The following RTL4 variants were observed in gnomAD, a reference collection of about 807,000 sequenced individuals.
The protein encoded by RTL4 is retrotransposon Gag-like protein 4.
RTL4 carries 4 observed loss-of-function variants against 5.3 expected under a neutral mutation model. That is an observed-to-expected ratio of 0.75 (90% CI 0.37 to 1.72). RTL4 has a LOEUF of 1.72. Ranked by LOEUF, RTL4 falls within the 40% of genes most tolerant of loss-of-function variation. The pLI is 0.04. For synonymous variants in RTL4, 98 were observed against 87.3 expected, an observed-to-expected ratio of 1.12 and a Z score of -0.68; for missense variants, 260 against 227.1, an observed-to-expected ratio of 1.14 and a Z score of -0.93.
chrX:112,373,074 C>T, the RTL4 span, among the ~76,000 whole-genome samples: 3 of 111,460 alleles, frequency 2.7e-5, no homozygotes, highest in Admixed American at 1.9e-4. Flanking sequence ...CTTTCTGTAT[C>T]CTAAGCATAA....
chrX:112,229,378 A>G, the RTL4 span, among the ~76,000 whole-genome samples: 1 of 112,318 alleles, frequency 8.9e-6, no homozygotes, highest in Non-Finnish European at 1.9e-5. Flanking sequence ...CACTTTACAG[A>G]TGAGGAAATC....
the RTL4 span, among the ~76,000 whole-genome samples, chrX:112,183,225 A>G: frequency 8.9e-6 from 1 of 112,355 alleles, no homozygotes; most frequent in African/African-American, 3.2e-5. Flanking sequence ...AATTGCAAAG[A>G]CCATTGACAC....
At chrX:112,183,057 C>T in the RTL4 span, among the ~76,000 whole-genome samples, 129 of 111,984 alleles carry the variant, frequency 1.2e-3, no homozygotes, top group African/African-American at 3.8e-3. Flanking sequence ...CATATCCAGC[C>T]GAACTAAGCT....
At chrX:112,120,313 G>A in the RTL4 span, among the ~76,000 whole-genome samples, 1 of 112,379 alleles carries the variant, frequency 8.9e-6, no homozygotes, top group Non-Finnish European at 1.9e-5. Context: ...GTCTGGCTCT[G>A]TCGCCCAGGC....
At chrX:112,236,391 TATATATA>T in the RTL4 span, among the ~76,000 whole-genome samples, 1 of 87,855 alleles carries the variant, frequency 1.1e-5, no homozygotes. Context: ...AACTTTCATA[TATATATA>T]ATATAGATAT....
At chrX:112,390,669 GCCTGATGGGGTTCCCTTTGGTAA>G in the RTL4 span, among the ~76,000 whole-genome samples, 3,762 of 110,440 alleles carry the variant, frequency 0.034, 195 homozygotes, top group African/African-American at 0.12. Flanking sequence ...TCTGCAGGTA[GCCTGATGGGGTTCCCTTTGGTAA>G]CCTGATGGGG....
chrX:112,282,964 A>G, the RTL4 span, among the ~76,000 whole-genome samples: 1 of 111,404 alleles, frequency 9.0e-6, no homozygotes, highest in African/African-American at 3.3e-5. Context: ...AAGGAATAAT[A>G]ACTTTGTTGG....
chrX:112,426,083 A>C, the RTL4 span, among the ~76,000 whole-genome samples: 1 of 111,288 alleles, frequency 9.0e-6, no homozygotes, highest in African/African-American at 3.3e-5. Flanking sequence ...TAGGTCTATG[A>C]TACATTTAGT....
the RTL4 span, among the ~76,000 whole-genome samples, chrX:112,141,700 A>G: frequency 9.0e-6 from 1 of 111,502 alleles, no homozygotes; most frequent in Admixed American, 9.6e-5. Context: ...ATATCAAGTA[A>G]TACCTAAGCT....
the RTL4 span, among the ~76,000 whole-genome samples, chrX:112,223,160 G>T: frequency 1.8e-5 from 2 of 111,626 alleles, no homozygotes; most frequent in Non-Finnish European, 1.9e-5. Context: ...ATTGTATTCA[G>T]CTCTTGTCAC....
the RTL4 span, among the ~76,000 whole-genome samples, chrX:112,337,219 T>C: frequency 1.8e-5 from 2 of 112,050 alleles, no homozygotes; most frequent in African/African-American, 6.5e-5. Flanking sequence ...CCAATTCATA[T>C]CATAATAGTA....
At chrX:112,128,659 C>CAAA in the RTL4 span, among the ~76,000 whole-genome samples, 3 of 41,104 alleles carry the variant, frequency 7.3e-5, no homozygotes, top group Admixed American at 3.2e-4. Flanking sequence ...CTCTGTCTCA[C>CAAA]AAAAAAAAAA....
chrX:112,109,581 G>A, the RTL4 span, among the ~76,000 whole-genome samples: 1 of 111,907 alleles, frequency 8.9e-6, no homozygotes, highest in Admixed American at 9.5e-5. Flanking sequence ...GCTGATTGGT[G>A]CTTTTTTACA....
the RTL4 span, among the ~76,000 whole-genome samples, chrX:112,419,629 G>GTATATGTATATATATATATATT: frequency 2.0e-4 from 2 of 9,905 alleles, no homozygotes; most frequent in African/African-American, 3.2e-4. Context: ...ATATATTTAA[G>GTATATGTATATATATATATATT]TATGTAAATC....
chrX:112,084,958 A>G, the RTL4 span, among the ~76,000 whole-genome samples: 1 of 112,464 alleles, frequency 8.9e-6, no homozygotes, highest in South Asian at 3.7e-4. Context: ...CAGATCAAGG[A>G]TATATAAAGA....
chrX:112,347,035 A>C, the RTL4 span, among the ~76,000 whole-genome samples: 1 of 111,989 alleles, frequency 8.9e-6, no homozygotes, highest in South Asian at 3.7e-4. Context: ...AAAAGAGTAT[A>C]GAAAAGCTAG....
At chrX:112,090,457 G>A in the RTL4 span, among the ~76,000 whole-genome samples, 1 of 111,130 alleles carries the variant, frequency 9.0e-6, no homozygotes, top group Admixed American at 9.6e-5. Context: ...TCATAAAAGG[G>A]TGTTGAGTTT....
At chrX:112,432,737 T>TTA in the RTL4 span, among the ~76,000 whole-genome samples, 5 of 102,670 alleles carry the variant, frequency 4.9e-5, no homozygotes, top group Non-Finnish European at 7.9e-5. Context: ...TTAGTTTAAT[T>TTA]AGATCCCATT....
chrX:112,388,856 T>C, the RTL4 span, among the ~76,000 whole-genome samples: 1 of 111,711 alleles, frequency 9.0e-6, no homozygotes, highest in Non-Finnish European at 1.9e-5. Flanking sequence ...TCATCAAGGA[T>C]ATTGGCCTGC....
Sources: allele counts gnomAD v4.1 joint callset (sites outside exome capture counted in the v4.1 genomes callset), GRCh38; gene constraint gnomAD v4.1.1; transcripts MANE v1.5; gene names NCBI Gene and HGNC (gene_info 2026-07-23, HGNC 2026-07-21).